The following LRRTM4 variants were observed in gnomAD, a reference collection of about 807,000 sequenced individuals.
LRRTM4 encodes the protein leucine-rich repeat transmembrane neuronal protein 4.
In LRRTM4, 25 loss-of-function variants were observed where a neutral mutation model predicts 47.6. The ratio of observed to expected loss-of-function variants is 0.53; its 90% CI spans 0.38 to 0.73. The LOEUF is 0.73. Ranked by LOEUF, LRRTM4 falls within the 30% of genes least tolerant of loss-of-function variation. LRRTM4 has a pLI of 0.00. For synonymous variants in LRRTM4, 311 were observed against 269.5 expected, an observed-to-expected ratio of 1.15 and a Z score of -1.51; for missense variants, 638 against 713.4, an observed-to-expected ratio of 0.89 and a Z score of 1.20.
At chr2:77,505,947 A>G (rs1678751407) in intron 3 of LRRTM4, among the ~76,000 whole-genome samples, 1 of 151,650 alleles carries the variant, frequency 6.6e-6, no homozygotes, top group South Asian at 2.1e-4. Context: ...ATGTGTGTTC[A>G]GGGAAGAGAG....
At chr2:77,266,307 T>A (rs1676047300) in intron 3 of LRRTM4, among the ~76,000 whole-genome samples, 1 of 152,118 alleles carries the variant, frequency 6.6e-6, no homozygotes, top group South Asian at 2.1e-4. Context: ...AGGTAAAATT[T>A]CTGCATGTAA....
At chr2:77,392,289 C>G (rs1673534223) in intron 3 of LRRTM4, among the ~76,000 whole-genome samples, 1 of 151,920 alleles carries the variant, frequency 6.6e-6, no homozygotes, top group South Asian at 2.1e-4. Flanking sequence ...GCCCTGCCCC[C>G]CACCCATCCC....
chr2:77,490,168 T>C (rs1678082136), intron 3 of LRRTM4, among the ~76,000 whole-genome samples: 1 of 152,000 alleles, frequency 6.6e-6, no homozygotes, highest in Non-Finnish European at 1.5e-5. Flanking sequence ...AAGAATTGCT[T>C]GAACTCAGGA....
intron 3 of LRRTM4, among the ~76,000 whole-genome samples, chr2:76,963,380 G>T (rs1471815184): frequency 1.3e-5 from 2 of 150,446 alleles, no homozygotes; most frequent in Non-Finnish European, 3.0e-5. Context: ...AAAAAGTAAA[G>T]GAAAATCTGA....
At chr2:77,479,161 G>T (rs1448866592) in intron 3 of LRRTM4, among the ~76,000 whole-genome samples, 1 of 152,132 alleles carries the variant, frequency 6.6e-6, no homozygotes. Flanking sequence ...CCCCCAGAGT[G>T]CTGGGATTAT....
chr2:77,384,459 C>T (rs1573342353), intron 3 of LRRTM4, among the ~76,000 whole-genome samples: 2 of 151,762 alleles, frequency 1.3e-5, no homozygotes, highest in East Asian at 3.9e-4. Flanking sequence ...CAATGTCTAA[C>T]ATACATTAAA....
At chr2:77,015,218 G>T (rs1211069293) in intron 3 of LRRTM4, among the ~76,000 whole-genome samples, 1 of 152,270 alleles carries the variant, frequency 6.6e-6, no homozygotes, top group South Asian at 2.1e-4. Context: ...AGACTTGCCT[G>T]CCTGGCTTGT....
rs148440572 is a variant in LRRTM4, at chr2:76,822,902, A to T, written c.1552-73986T>A. On this transcript the variant is annotated intron_variant, in intron 3 of 3. Coordinates refer to ENST00000409884, the MANE Select transcript of LRRTM4 (RefSeq NM_001134745.3). ...TCTTTCTCCAGTCAAGACTTTACCC[A>T]TATAAAAGTAATAAAATTATTTCAG... 2.5e-3 allele frequency among the ~76,000 whole-genome samples: 382 copies of T among 151,566 alleles called. 2 individuals carry two copies. The highest frequency in any genetic ancestry group is 8.8e-3 in the African/African-American group (366 of 41,496).
At chr2:77,310,569 G>C (rs989929218) in intron 3 of LRRTM4, among the ~76,000 whole-genome samples, 3 of 152,056 alleles carry the variant, frequency 2.0e-5, no homozygotes, top group African/African-American at 7.2e-5. Context: ...GTCTGGAAGG[G>C]GGACAACTGC....
chr2:77,335,939 C>T (rs1671145525), intron 3 of LRRTM4, among the ~76,000 whole-genome samples: 1 of 152,044 alleles, frequency 6.6e-6, no homozygotes, highest in Admixed American at 6.6e-5. Flanking sequence ...TGTTGTAGCA[C>T]AATAGCAACT....
chr2:77,390,687 A>G (rs1295088545), intron 3 of LRRTM4, among the ~76,000 whole-genome samples: 45 of 151,612 alleles, frequency 3.0e-4, no homozygotes. Context: ...AATATTATAT[A>G]TGATGATGAT....
chr2:76,963,482 G>A (rs1009900172), intron 3 of LRRTM4, among the ~76,000 whole-genome samples: 1 of 150,690 alleles, frequency 6.6e-6, no homozygotes, highest in African/African-American at 2.4e-5. Context: ...AACACATATG[G>A]CCAAGAAACC....
intron 3 of LRRTM4, among the ~76,000 whole-genome samples, chr2:77,021,223 G>A (rs1309232697): frequency 6.6e-6 from 1 of 151,844 alleles, no homozygotes; most frequent in African/African-American, 2.4e-5. Context: ...ATATATCAGT[G>A]AGAACTATAC....
intron 3 of LRRTM4, among the ~76,000 whole-genome samples, chr2:76,801,681 T>TACAGGTTAA (rs1230595523): frequency 6.6e-6 from 1 of 151,332 alleles, no homozygotes; most frequent in Non-Finnish European, 1.5e-5. Context: ...AAAAGAAAAG[T>TACAGGTTAA]ACAGGTTAAC....
intron 3 of LRRTM4, among the ~76,000 whole-genome samples, chr2:77,007,977 G>A (rs1677721356): frequency 6.6e-6 from 1 of 152,112 alleles, no homozygotes; most frequent in Non-Finnish European, 1.5e-5. Flanking sequence ...CACTTTTACT[G>A]TGTTCCAGAT....
At chr2:77,003,011 GT>G (rs72431391) in intron 3 of LRRTM4, among the ~76,000 whole-genome samples, 18,192 of 152,020 alleles carry the variant, frequency 0.12, 2,971 homozygotes, top group African/African-American at 0.36. Context: ...GGTAACTTCA[GT>G]TATGTAGAAT....
At chr2:77,218,692 T>A (rs546545706) in intron 3 of LRRTM4, among the ~76,000 whole-genome samples, 1 of 152,238 alleles carries the variant, frequency 6.6e-6, no homozygotes, top group African/African-American at 2.4e-5. Flanking sequence ...TTATTGAAGA[T>A]TTCTCCTAAC....
chr2:77,380,381 C>A (rs941467730), intron 3 of LRRTM4, among the ~76,000 whole-genome samples: 3 of 152,022 alleles, frequency 2.0e-5, no homozygotes, highest in Admixed American at 2.0e-4. Flanking sequence ...CAAAATTTGA[C>A]CCAGGAATTC....
At chr2:77,278,008 G>A (rs1244134602) in intron 3 of LRRTM4, among the ~76,000 whole-genome samples, 2 of 151,814 alleles carry the variant, frequency 1.3e-5, no homozygotes, top group Non-Finnish European at 2.9e-5. Flanking sequence ...CTTTCCCCCA[G>A]AAGAACTGCT....
Sources: gnomAD v4.1 joint callset for allele counts (sites outside exome capture counted in the v4.1 genomes callset) on GRCh38, gnomAD v4.1.1 for gene constraint, MANE v1.5 for transcripts, NCBI Gene and HGNC (gene_info 2026-07-23, HGNC 2026-07-21) for gene names.